ATF1: variants seen among roughly 807,000 people sequenced by gnomAD.
ATF1 encodes the protein activating transcription factor 1.
A neutral mutation model predicts 34.7 loss-of-function variants in ATF1; 16 were observed. That is an observed-to-expected ratio of 0.46 (90% CI 0.31 to 0.70). ATF1 has a LOEUF of 0.70. Ranked by LOEUF, ATF1 falls within the 30% of genes least tolerant of loss-of-function variation. ATF1 has a pLI of 0.05. For missense variants in ATF1, 255 were observed against 321.6 expected, an observed-to-expected ratio of 0.79 and a Z score of 1.58; for synonymous variants, 105 against 113.1, an observed-to-expected ratio of 0.93 and a Z score of 0.46.
At chr12:50,785,338 C>T (rs993149931) in intron 2 of ATF1, among the ~76,000 whole-genome samples, 3 of 100,484 alleles carry the variant, frequency 3.0e-5, no homozygotes, top group African/African-American at 1.1e-4. Context: ...CACACACACA[C>T]AGACGTATAT....
At chr12:50,791,324 G>A (rs1389319151) in intron 2 of ATF1, among the ~76,000 whole-genome samples, 1 of 152,178 alleles carries the variant, frequency 6.6e-6, no homozygotes, top group Non-Finnish European at 1.5e-5. Context: ...GGGAGGCGGA[G>A]GTGGGCGGAT....
intron 1 of ATF1, among the ~76,000 whole-genome samples, chr12:50,775,142 G>A (rs1940885355): frequency 6.6e-6 from 1 of 150,506 alleles, no homozygotes; most frequent in Admixed American, 6.6e-5. Flanking sequence ...GGCTGTCTCT[G>A]TGTTCCCCAG....
intron 3 of ATF1, among the ~76,000 whole-genome samples, chr12:50,807,122 C>T (rs1941631518): frequency 6.6e-6 from 1 of 152,130 alleles, no homozygotes. Context: ...TGGGATTAGG[C>T]TTAAATTTCT....
intron 2 of ATF1, among the ~76,000 whole-genome samples, chr12:50,789,273 T>G (rs1161561627): frequency 6.6e-6 from 1 of 152,164 alleles, no homozygotes; most frequent in Non-Finnish European, 1.5e-5. Flanking sequence ...TTCGCCATGT[T>G]GGCCAGGCTG....
rs577956168 is a variant in ATF1, at chr12:50,778,434, A to C, written c.-6-1706A>C. Among the ~76,000 whole-genome samples the C allele has an allele frequency of 2.0e-5, 3 of 151,626 alleles. No homozygotes were observed. The South Asian group carries it at 6.2e-4, about 32-fold the overall frequency. Reference sequence around the variant, plus strand: ...GAGACATGGTTTCACCATGTTGGCCAGGATGGTCTCGATCTCTTGACCTCG... The same window carrying C: ...GAGACATGGTTTCACCATGTTGGCCCGGATGGTCTCGATCTCTTGACCTCG... On this transcript the variant is annotated intron_variant, in intron 1 of 6. Coordinates refer to ENST00000262053, the MANE Select transcript of ATF1 (RefSeq NM_005171.5).
intron 3 of ATF1, among the ~76,000 whole-genome samples, chr12:50,806,675 T>C (rs930881014): frequency 6.6e-6 from 1 of 152,014 alleles, no homozygotes; most frequent in African/African-American, 2.4e-5. Flanking sequence ...CATGCAGGCA[T>C]TGGACAGAGG....
chr12:50,765,402 G>A (rs1450350687), intron 1 of ATF1, among the ~76,000 whole-genome samples: 1 of 152,168 alleles, frequency 6.6e-6, no homozygotes, highest in Non-Finnish European at 1.5e-5. Context: ...TATCTTTTAG[G>A]GTTAGGTTTG....
In ATF1 at chr12:50,820,134, G is replaced by A; in HGVS notation, c.*355G>A. On this transcript the variant is annotated 3_prime_UTR_variant, in exon 7 of 7. Coordinates refer to ENST00000262053, the MANE Select transcript of ATF1 (RefSeq NM_005171.5). ...AAAAATCCATTTACCCTACAGGTTT[G>A]CATTTGTTTGCTGAAATTTACCTTT... The A allele has an allele frequency of 4.2e-6, 1 of 237,568 alleles. No individual in the cohort carries two copies. The highest frequency in any genetic ancestry group is 8.2e-6 in the Non-Finnish European group (1 of 121,704). The allele number at this position is 237,568 out of a possible 1,614,324, so 14.7% of individuals were successfully genotyped here.
At position 50,809,495 on chromosome 12, in the gene ATF1, C is replaced by T. The variant is rs746778290; in HGVS notation, c.234C>T (p.Gly78=). The change falls in exon 4 of 7, where the codon GGC becomes GGT. Residue 78 remains glycine, a synonymous_variant. Transcript: ENST00000262053. ...ACTTATCTTCTGAAGATACACGGGG[C>T]AGAAAAGGAGACGGAGAAAATTCTG... ...LKDLSSEDTR[G]RKGDGENSGV... The T allele has an allele frequency of 1.8e-5, 29 of 1,612,720 alleles. No homozygotes were observed. The Admixed American group carries it at 4.8e-4, about 27-fold the overall frequency.
chr12:50,773,236 T>G (rs1940822586), intron 1 of ATF1, among the ~76,000 whole-genome samples: 1 of 152,204 alleles, frequency 6.6e-6, no homozygotes, highest in Non-Finnish European at 1.5e-5. Context: ...TATGTGGGCA[T>G]GTATCTTTAT....
chr12:50,778,476 G>A (rs1315879827), intron 1 of ATF1, among the ~76,000 whole-genome samples: 1 of 151,782 alleles, frequency 6.6e-6, no homozygotes, highest in Non-Finnish European at 1.5e-5. Context: ...ACCCACCTCG[G>A]CCTCCCAAAG....
intron 2 of ATF1, among the ~76,000 whole-genome samples, chr12:50,782,985 C>G (rs182407792): frequency 8.5e-5 from 13 of 152,178 alleles, no homozygotes; most frequent in Admixed American, 7.2e-4. Context: ...CCACTGCACC[C>G]GGCTGATTTC....
At chr12:50,816,806 C>T (rs1941852008) in intron 6 of ATF1, among the ~76,000 whole-genome samples, 1 of 151,494 alleles carries the variant, frequency 6.6e-6, no homozygotes, top group African/African-American at 2.4e-5. Flanking sequence ...TTGCAGTGAG[C>T]CATGATCACG....
At chr12:50,817,557 T>A (rs1941868795) in intron 6 of ATF1, among the ~76,000 whole-genome samples, 1 of 152,190 alleles carries the variant, frequency 6.6e-6, no homozygotes, top group Non-Finnish European at 1.5e-5. Context: ...TGTCTGTCAT[T>A]GGGCATATAA....
At chr12:50,765,394 T>C (rs940749155) in intron 1 of ATF1, among the ~76,000 whole-genome samples, 19 of 152,358 alleles carry the variant, frequency 1.2e-4, no homozygotes, top group African/African-American at 4.6e-4. Context: ...CTTGCCGTTA[T>C]CTTTTAGGGT....
At chr12:50,804,966 C>T (rs992110776) in intron 3 of ATF1, among the ~76,000 whole-genome samples, 6 of 151,952 alleles carry the variant, frequency 3.9e-5, no homozygotes, top group Non-Finnish European at 5.9e-5. Context: ...CCCACCACCA[C>T]GCCCAGCTAA....
intron 1 of ATF1, among the ~76,000 whole-genome samples, chr12:50,766,387 T>C (rs1940635859): frequency 6.6e-6 from 1 of 152,186 alleles, no homozygotes; most frequent in Non-Finnish European, 1.5e-5. Flanking sequence ...CACTATGGGA[T>C]ATTAACTGCT....
intron 4 of ATF1, among the ~76,000 whole-genome samples, chr12:50,810,064 C>T (rs1329906800): frequency 6.6e-6 from 1 of 150,650 alleles, no homozygotes; most frequent in Non-Finnish European, 1.5e-5. Flanking sequence ...GAACTTTGAC[C>T]TCAGGTGATC....
At chr12:50,802,483 C>T (rs1298582942) in intron 3 of ATF1, among the ~76,000 whole-genome samples, 1 of 152,170 alleles carries the variant, frequency 6.6e-6, no homozygotes, top group African/African-American at 2.4e-5. Flanking sequence ...TGAGATTGTG[C>T]CATTGCACTC....
Sources: allele counts gnomAD v4.1 joint callset (sites outside exome capture counted in the v4.1 genomes callset), GRCh38; gene constraint gnomAD v4.1.1; transcripts MANE v1.5; gene names NCBI Gene and HGNC (gene_info 2026-07-23, HGNC 2026-07-21).